The following FOCAD variants were observed in gnomAD, a reference collection of about 807,000 sequenced individuals.
The protein encoded by FOCAD is KIAA1797.
FOCAD carries 198 observed loss-of-function variants against 225.6 expected under a neutral mutation model. The observed-to-expected ratio is 0.88, with a 90% CI of 0.78 to 0.99. The LOEUF is 0.99. Among genes scored for constraint, FOCAD ranks in the 50% least tolerant of loss-of-function variants. The pLI is 0.00. For synonymous variants in FOCAD, 897 were observed against 755.0 expected, an observed-to-expected ratio of 1.19 and a Z score of -3.08; for missense variants, 2,713 against 2,123.6, an observed-to-expected ratio of 1.28 and a Z score of -5.46.
At chr9:20,880,327 T>C (rs1006077680) in intron 19 of FOCAD, among the ~76,000 whole-genome samples, 1 of 152,158 alleles carries the variant, frequency 6.6e-6, no homozygotes, top group African/African-American at 2.4e-5. Flanking sequence ...ATCTGTATTA[T>C]AAATTGGGGT....
At chr9:20,776,120 A>G (rs759724734) in intron 8 of FOCAD, among the ~76,000 whole-genome samples, 3 of 152,182 alleles carry the variant, frequency 2.0e-5, no homozygotes, top group Non-Finnish European at 4.4e-5. Context: ...CAAGTAGGCT[A>G]CTGCTACTAG....
intron 26 of FOCAD, among the ~76,000 whole-genome samples, chr9:20,928,301 A>G (rs556789841): frequency 6.6e-6 from 1 of 152,098 alleles, no homozygotes; most frequent in Non-Finnish European, 1.5e-5. Context: ...CATGTGTGCT[A>G]CCAGCTGGAT....
chr9:20,733,465 C>T (rs868230151), intron 4 of FOCAD, among the ~76,000 whole-genome samples: 1 of 152,104 alleles, frequency 6.6e-6, no homozygotes, highest in Non-Finnish European at 1.5e-5. Flanking sequence ...ATTAACTCCT[C>T]TTTTAGCATT....
At chr9:20,742,797 G>A (rs370724310) in intron 5 of FOCAD, among the ~76,000 whole-genome samples, 3 of 152,166 alleles carry the variant, frequency 2.0e-5, no homozygotes, top group East Asian at 3.9e-4. Context: ...GTTTCAAAAG[G>A]CAATTGCTGC....
chr9:20,792,516 C>T (rs1244510367), intron 11 of FOCAD, among the ~76,000 whole-genome samples: 2 of 152,274 alleles, frequency 1.3e-5, no homozygotes, highest in Non-Finnish European at 2.9e-5. Context: ...AACTCAGTGC[C>T]TCTTTCAAAT....
chr9:20,755,717 A>G (rs1828986990), intron 5 of FOCAD, among the ~76,000 whole-genome samples: 1 of 152,220 alleles, frequency 6.6e-6, no homozygotes. Context: ...TACTCTTTAT[A>G]GCGATATGGT....
intron 40 of FOCAD, 37 bp downstream of exon 40, chr9:20,986,502 T>G (rs1208090249): frequency 6.5e-7 from 1 of 1,530,542 alleles, no homozygotes; most frequent in Non-Finnish European, 8.8e-7. Flanking sequence ...GAAACAGGAA[T>G]AGATCTGCCT....
chr9:20,944,149 C>T (rs966111067), intron 28 of FOCAD, among the ~76,000 whole-genome samples: 8 of 152,216 alleles, frequency 5.3e-5, no homozygotes, highest in Non-Finnish European at 1.2e-4. Flanking sequence ...AGTAGTACCT[C>T]ATAATCATGC....
chr9:20,983,183 CTGAATCAGAA>C (rs1840856675), intron 39 of FOCAD, among the ~76,000 whole-genome samples: 1 of 152,180 alleles, frequency 6.6e-6, no homozygotes, highest in African/African-American at 2.4e-5. Context: ...TCTAGGCCTA[CTGAATCAGAA>C]ACTCTGCAGA....
chr9:20,841,091 C>G (rs1230443276), intron 15 of FOCAD, among the ~76,000 whole-genome samples: 3 of 151,846 alleles, frequency 2.0e-5, no homozygotes, highest in Non-Finnish European at 4.4e-5. Flanking sequence ...GATGAATGAT[C>G]TTTTTAATAT....
At chr9:20,745,795 C>T (rs747740998) in intron 5 of FOCAD, among the ~76,000 whole-genome samples, 1 of 152,116 alleles carries the variant, frequency 6.6e-6, no homozygotes, top group Non-Finnish European at 1.5e-5. Context: ...GCTGTACTTT[C>T]TGAAATAAGG....
chr9:20,888,398 A>C (rs1831310978), intron 21 of FOCAD, among the ~76,000 whole-genome samples: 1 of 151,866 alleles, frequency 6.6e-6, no homozygotes, highest in African/African-American at 2.4e-5. Context: ...TGGCTTCCCA[A>C]AGTGCTGGAA....
chr9:20,852,165 C>T (rs991651034), intron 15 of FOCAD, among the ~76,000 whole-genome samples: 2 of 151,632 alleles, frequency 1.3e-5, no homozygotes, highest in Admixed American at 1.3e-4. Flanking sequence ...TTTGGGGGAA[C>T]CATTTTTGTT....
intron 2 of FOCAD, among the ~76,000 whole-genome samples, chr9:20,669,708 G>A (rs1821999014): frequency 6.6e-6 from 1 of 152,166 alleles, no homozygotes; most frequent in Non-Finnish European, 1.5e-5. Flanking sequence ...CCAGGAGGCA[G>A]AGGTTGCAGT....
intron 1 of FOCAD, among the ~76,000 whole-genome samples, chr9:20,689,505 T>G (rs531026602): frequency 6.6e-6 from 1 of 152,140 alleles, no homozygotes; most frequent in Admixed American, 6.5e-5. Flanking sequence ...GCCTTGGGAC[T>G]TGGAAGGATG....
intron 23 of FOCAD, among the ~76,000 whole-genome samples, chr9:20,913,506 A>G (rs1342525038): frequency 1.3e-5 from 2 of 152,078 alleles, no homozygotes; most frequent in South Asian, 2.1e-4. Flanking sequence ...TGAGAAGAAT[A>G]CTCTATCAGA....
intron 21 of FOCAD, among the ~76,000 whole-genome samples, chr9:20,890,391 C>T (rs1831511878): frequency 6.8e-6 from 1 of 148,044 alleles, no homozygotes; most frequent in East Asian, 2.0e-4. Context: ...TTTTTAATCA[C>T]AAATAGATGT....
At chr9:20,865,356 GC>G (rs1353579811) in intron 16 of FOCAD, among the ~76,000 whole-genome samples, 1 of 152,048 alleles carries the variant, frequency 6.6e-6, no homozygotes, top group Non-Finnish European at 1.5e-5. Context: ...ATTTAGAGGG[GC>G]AAAAAGTTAG....
intron 2 of FOCAD, among the ~76,000 whole-genome samples, chr9:20,660,952 A>C (rs1821699268): frequency 6.6e-6 from 1 of 152,204 alleles, no homozygotes; most frequent in African/African-American, 2.4e-5. Context: ...GACTGTGATT[A>C]AAATGGAGTG....
Sources: gnomAD v4.1 joint callset for allele counts (sites outside exome capture counted in the v4.1 genomes callset) on GRCh38, gnomAD v4.1.1 for gene constraint, MANE v1.5 for transcripts, NCBI Gene and HGNC (gene_info 2026-07-23, HGNC 2026-07-21) for gene names.